Variants in NCAPD3 observed in about 807,000 individuals in gnomAD.
The protein encoded by NCAPD3 is condensin-2 complex subunit D3.
NCAPD3 carries 105 observed loss-of-function variants against 182.9 expected under a neutral mutation model. That is an observed-to-expected ratio of 0.57 (90% CI 0.49 to 0.68). The LOEUF (loss-of-function observed/expected upper bound fraction) is 0.68. Ranked by LOEUF, NCAPD3 falls within the 30% of genes least tolerant of loss-of-function variation. NCAPD3 has a pLI of 0.00. For synonymous variants in NCAPD3, 815 were observed against 679.9 expected (o/e 1.20, Z -3.09); for missense variants, 1,944 against 1,837.0 (o/e 1.06, Z -1.07).
chr11:134,206,583 G>C lies in NCAPD3; in HGVS notation c.1016+16C>G, dbSNP rs370862844. ...GGAGACTGACAGGGTGAAAATTCAC[G>C]ATTTGTGTGCTTCACCTGATAAACT... is the stretch of plus-strand genomic sequence containing the variant. On this transcript the variant is annotated intron_variant, in intron 8 of 34. Transcript: ENST00000534548. 7 of 1,613,108 alleles carry C rather than the reference G, an allele frequency of 4.3e-6. No individual in the cohort carries two copies. The highest frequency in any genetic ancestry group is 3.3e-5 in the Admixed American group (2 of 59,836).
chr11:134,202,838 A>G lies in NCAPD3; in HGVS notation c.1593T>C (p.Ser531=). Residue 531 remains serine (S), a synonymous_variant, in exon 13 of 35, where the codon AGT becomes AGC. Coordinates refer to ENST00000534548, the MANE Select transcript of NCAPD3 (RefSeq NM_015261.3). ...TACCTCCAGATCCAACTGTTTCACC[A>G]CTGCTGTCTATGTTGATCTCCCCTG... is the stretch of plus-strand genomic sequence containing the variant. ...EPSGEINIDS[S]GETVGSGERC... is the part of the protein sequence containing the mutation. The G allele has an allele frequency of 6.2e-7, 1 of 1,608,054 alleles. No individual in the cohort carries two copies. The highest frequency in any genetic ancestry group is 8.5e-7 in the Non-Finnish European group (1 of 1,178,154).
intron 3 of NCAPD3, 145 bp from the exon 4 acceptor site, chr11:134,210,599 A>T: frequency 1.4e-6 from 1 of 714,454 alleles, no homozygotes. Flanking sequence ...TACCATTTGC[A>T]ACGTCAGCCT....
At chr11:134,181,402 T>C (rs886177116) in intron 19 of NCAPD3, among the ~76,000 whole-genome samples, 5 of 152,134 alleles carry the variant, frequency 3.3e-5, no homozygotes, top group African/African-American at 7.2e-5. Context: ...TAAAGAACGG[T>C]GTATATATCA....
At chr11:134,158,876 C>T (rs1212452397) in intron 29 of NCAPD3, among the ~76,000 whole-genome samples, 5 of 152,158 alleles carry the variant, frequency 3.3e-5, no homozygotes, top group African/African-American at 7.2e-5. Flanking sequence ...TCTCTAACTC[C>T]GTGAGATCAA....
intron 19 of NCAPD3, 107 bp from the exon 20 acceptor site, chr11:134,181,291 T>C (rs1944291452): frequency 1.4e-6 from 1 of 699,144 alleles, no homozygotes; most frequent in South Asian, 1.9e-5. Context: ...GGATAGGCTG[T>C]AGGGGTGCTT....
chr11:134,192,719 G>C lies in NCAPD3; in HGVS notation c.2015C>G (p.Thr672Ser). ...DSQVLAWALL[T>S]LLTTESQELS... ...TTCCTGGCTTTCGGTGGTGAGGAGA[G>C]TAAGAAGCGCCCAGGCGAGGACCTG... The change falls in exon 16 of 35, where the codon ACT becomes AGT. Residue 672 changes from threonine (T) to serine (S), a missense_variant. Thr to Ser is a moderately conservative substitution (Grantham distance 58, BLOSUM62 1). This residue lies in a region of NCAPD3 where 1,803 missense variants were observed against 1,674.6 expected (regional missense o/e 1.08). Coordinates refer to ENST00000534548, the MANE Select transcript of NCAPD3 (RefSeq NM_015261.3). 1 of 1,614,202 alleles carries C rather than the reference G, an allele frequency of 6.2e-7. No individual in the cohort carries two copies. Among genetic ancestry groups the C allele is most frequent in the Non-Finnish European group, 8.5e-7 (1 of 1,180,012 alleles).
chr11:134,161,719 A>G, intron 28 of NCAPD3, 62 bp downstream of exon 28: 2 of 990,476 alleles, frequency 2.0e-6, no homozygotes, highest in Non-Finnish European at 3.1e-6. Context: ...CATAACTGGC[A>G]GAAGATCCTA....
At chr11:134,208,780 C>T in intron 7 of NCAPD3, 84 bp downstream of exon 7, 1 of 871,528 alleles carries the variant, frequency 1.1e-6, no homozygotes, top group Non-Finnish European at 1.9e-6. Flanking sequence ...GGCATTATAT[C>T]AAATGCTTTT....
intron 16 of NCAPD3, chr11:134,185,940 C>T (rs1944396924): frequency 6.7e-6 from 1 of 149,934 alleles, no homozygotes; most frequent in African/African-American, 2.5e-5. Context: ...TGGAGTCTCG[C>T]TCTGTCGCCC....
At chr11:134,178,150 T>C (rs1162741137) in intron 22 of NCAPD3, 2 of 152,448 alleles carry the variant, frequency 1.3e-5, no homozygotes, top group African/African-American at 2.4e-5. Context: ...TGGAGAAATA[T>C]GTAAATAGTC....
rs373083293 is a variant in NCAPD3, at chr11:134,207,530, G to A, written c.883-798C>T. Among the ~76,000 whole-genome samples, 44 of 152,128 alleles carry A rather than the reference G, an allele frequency of 2.9e-4. No individual in the cohort carries two copies. In the South Asian group the frequency reaches 7.7e-3, roughly 27 times the overall value. ...TGGGAAACCAAGGAGGGTGGATCAC[G>A]AGGTCAAGAGATCAAGACCATCCTG... On this transcript the variant is annotated intron_variant, in intron 7 of 34. Coordinates refer to ENST00000534548, the MANE Select transcript of NCAPD3 (RefSeq NM_015261.3).
chr11:134,205,561 G>A (rs1489120113), intron 8 of NCAPD3, among the ~76,000 whole-genome samples: 1 of 151,940 alleles, frequency 6.6e-6, no homozygotes, highest in Non-Finnish European at 1.5e-5. Flanking sequence ...TTTTTTAGTA[G>A]AGACAGGGTT....
intron 3 of NCAPD3, among the ~76,000 whole-genome samples, chr11:134,212,637 C>T (rs1208422969): frequency 2.0e-5 from 3 of 152,090 alleles, no homozygotes; most frequent in Admixed American, 6.5e-5. Context: ...AGTGACCTGC[C>T]GGCAGCAGCC....
chr11:134,177,381 C>T lies in NCAPD3; in HGVS notation c.2859G>A (p.Glu953=). The change falls in exon 23 of 35, where the codon GAG becomes GAA. Residue 953 remains glutamate, a synonymous_variant. Transcript: ENST00000534548. ...TGACGTTGTTGCGGACAGCCACGTC[C>T]TCACACACCTCGAGCTCTCGCACCA... ...PALVRELEVC[E]DVAVRNNVII... 1.2e-6 allele frequency: 2 copies of T among 1,614,250 alleles called. No homozygotes were observed. Among genetic ancestry groups the T allele is most frequent in the Non-Finnish European group, 1.7e-6 (2 of 1,180,046 alleles).
rs201451953 is a variant in NCAPD3, at chr11:134,184,889, C to A, written c.2335+14G>T. On this transcript the variant is annotated intron_variant, in intron 18 of 34. Transcript: ENST00000534548. The stretch of plus-strand genomic sequence containing the variant: ...CAATGCATTTTCACATAAGATTCTC[C>A]AGCAGACACTCACCAGTCACTTTGT... 5.2e-4 allele frequency: 828 copies of A among 1,591,840 alleles called. 1 individual carries two copies. The highest frequency in any genetic ancestry group is 6.7e-4 in the Non-Finnish European group (773 of 1,160,288).
chr11:134,202,096 C>T (rs1213731705), intron 13 of NCAPD3, among the ~76,000 whole-genome samples: 2 of 152,218 alleles, frequency 1.3e-5, no homozygotes, highest in African/African-American at 2.4e-5. Context: ...CAGACTTGTG[C>T]ATCTCCAATG....
intron 27 of NCAPD3, among the ~76,000 whole-genome samples, chr11:134,165,518 C>A (rs1467617869): frequency 7.1e-6 from 1 of 141,328 alleles, no homozygotes; most frequent in Admixed American, 7.1e-5. Context: ...GGGAGCAGCA[C>A]ACTCACTTGT....
intron 2 of NCAPD3, among the ~76,000 whole-genome samples, chr11:134,220,109 G>A (rs549310160): frequency 1.1e-4 from 16 of 152,096 alleles, no homozygotes; most frequent in African/African-American, 3.6e-4. Context: ...TTTTCTTAAA[G>A]TTAAGGTTAA....
chr11:134,173,658 C>CT (rs970303564), intron 24 of NCAPD3: 1 of 152,474 alleles, frequency 6.6e-6, no homozygotes, highest in African/African-American at 2.4e-5. Context: ...TGTCTAGACT[C>CT]TATCTGAAGT....
Sources: allele counts gnomAD v4.1 joint callset (sites outside exome capture counted in the v4.1 genomes callset), GRCh38; gene constraint gnomAD v4.1.1; regional missense constraint gnomAD v4.1.1; transcripts MANE v1.5; gene names NCBI Gene and HGNC (gene_info 2026-07-23, HGNC 2026-07-21).